CCDC148: variants seen among roughly 807,000 people sequenced by gnomAD.
The protein encoded by CCDC148 is coiled-coil domain-containing protein 148.
A neutral mutation model predicts 85.7 loss-of-function variants in CCDC148; 89 were observed. That is an observed-to-expected ratio of 1.04 (90% CI 0.87 to 1.24). The LOEUF (loss-of-function observed/expected upper bound fraction) is 1.24, where lower values mean the gene tolerates loss of function less well. Among genes scored for constraint, CCDC148 ranks in the 50% most tolerant of loss-of-function variants. CCDC148 has a pLI of 0.00. For missense variants in CCDC148, 692 were observed against 671.7 expected (o/e 1.03, Z -0.33); for synonymous variants, 230 against 213.9 (o/e 1.08, Z -0.66).
intron 1 of CCDC148, among the ~76,000 whole-genome samples, chr2:158,362,487 T>G (rs888866014): frequency 1.3e-5 from 2 of 152,158 alleles, no homozygotes; most frequent in Non-Finnish European, 2.9e-5. Context: ...CACAGTGCAA[T>G]CAAATTAGAA....
chr2:158,384,602 A>C (rs934575471), intron 1 of CCDC148, among the ~76,000 whole-genome samples: 7 of 152,280 alleles, frequency 4.6e-5, no homozygotes, highest in African/African-American at 1.4e-4. Context: ...TGCCCCAGCC[A>C]TGTTTTCTGT....
chr2:158,283,964 A>C (rs1204251422), intron 9 of CCDC148, among the ~76,000 whole-genome samples: 5 of 151,358 alleles, frequency 3.3e-5, no homozygotes, highest in Non-Finnish European at 5.9e-5. Flanking sequence ...TGATGAGTTC[A>C]TGTCCTTTGT....
chr2:158,299,156 T>TAGAG (rs1691329826), intron 9 of CCDC148, among the ~76,000 whole-genome samples: 1 of 152,142 alleles, frequency 6.6e-6, no homozygotes. Context: ...ACCGAATGTC[T>TAGAG]AGAGAGTTCA....
At chr2:158,329,537 T>C (rs1692981144) in intron 7 of CCDC148, among the ~76,000 whole-genome samples, 1 of 152,002 alleles carries the variant, frequency 6.6e-6, no homozygotes, top group East Asian at 1.9e-4. Context: ...TTTTTTCCAA[T>C]TCTGTGAAGA....
intron 1 of CCDC148, among the ~76,000 whole-genome samples, chr2:158,364,636 C>T (rs561049760): frequency 5.0e-4 from 76 of 152,248 alleles, no homozygotes; most frequent in Non-Finnish European, 8.8e-4. Context: ...TGGATCCCTT[C>T]CTTACACCTT....
At chr2:158,240,450 TCTCACACACACA>T (rs1454078241) in intron 10 of CCDC148, among the ~76,000 whole-genome samples, 9 of 92,482 alleles carry the variant, frequency 9.7e-5, no homozygotes, top group South Asian at 6.3e-4. Context: ...TCTCTCTCTC[TCTCACACACACA>T]CACACACACA....
At chr2:158,326,469 A>T (rs999329571) in intron 7 of CCDC148, among the ~76,000 whole-genome samples, 1 of 152,172 alleles carries the variant, frequency 6.6e-6, no homozygotes, top group African/African-American at 2.4e-5. Context: ...GAGTACACGA[A>T]TTTTTGTATA....
intron 9 of CCDC148, among the ~76,000 whole-genome samples, chr2:158,279,213 G>C (rs999525624): frequency 3.3e-5 from 5 of 152,186 alleles, no homozygotes; most frequent in Non-Finnish European, 7.3e-5. Context: ...ACTCTAAAAA[G>C]CAGAGCACCT....
intron 1 of CCDC148, among the ~76,000 whole-genome samples, chr2:158,374,233 G>A (rs1459452501): frequency 6.6e-6 from 1 of 152,054 alleles, no homozygotes; most frequent in African/African-American, 2.4e-5. Flanking sequence ...ATTAACTGCA[G>A]TTGACCGGTG....
intron 11 of CCDC148, among the ~76,000 whole-genome samples, chr2:158,219,602 CA>C (rs1687066194): frequency 6.6e-6 from 1 of 152,226 alleles, no homozygotes; most frequent in Non-Finnish European, 1.5e-5. Flanking sequence ...CACCCATGGT[CA>C]GTCCCATCAA....
rs1400858277 is a variant in CCDC148, at chr2:158,416,313, A to AT, written c.25+40101dup. On this transcript the variant is annotated intron_variant, in intron 1 of 13. Coordinates refer to ENST00000283233, the MANE Select transcript of CCDC148 (RefSeq NM_138803.4). ...GAAATGCCTTGAAGGCATTTTCCCT[A>AT]TTTTCTTGGCTATTAACATTTGGCT... is the stretch of plus-strand genomic sequence containing the variant. Among the ~76,000 whole-genome samples the AT allele has an allele frequency of 3.3e-5, 5 of 152,098 alleles. No homozygotes were observed. In the East Asian group the frequency reaches 5.8e-4, roughly 18 times the overall value.
In CCDC148 at chr2:158,346,799, T is replaced by C. The variant is rs114101866; in HGVS notation, c.148-1481A>G. The stretch of plus-strand genomic sequence containing the variant: ...TCAGAAGACAAGTTCTAAAAAGGAA[T>C]CTTTATAATGCATGCTATTTCCAGC... On this transcript the variant is annotated intron_variant, in intron 2 of 13. Transcript: ENST00000283233. Among the ~76,000 whole-genome samples, 312 of 152,310 alleles carry C rather than the reference T, an allele frequency of 2.0e-3. 3 individuals carry two copies. Among genetic ancestry groups the C allele is most frequent in the African/African-American group, 7.1e-3 (297 of 41,562 alleles).
chr2:158,408,278 A>T (rs1686110386), intron 1 of CCDC148, among the ~76,000 whole-genome samples: 1 of 152,150 alleles, frequency 6.6e-6, no homozygotes, highest in Non-Finnish European at 1.5e-5. Flanking sequence ...AATTTCAAAT[A>T]TACAATACAG....
In CCDC148 at chr2:158,253,372, T is replaced by G. The variant is rs962959305; in HGVS notation, c.1111-2460A>C. The stretch of plus-strand genomic sequence containing the variant: ...TCCCTTATATGGCCATTCCTATTCT[T>G]AGCTCATGGAGTGACTCAAAGTACC... On this transcript the variant is annotated intron_variant, in intron 9 of 13. Coordinates refer to ENST00000283233, the MANE Select transcript of CCDC148 (RefSeq NM_138803.4). Among the ~76,000 whole-genome samples, 15 of 151,782 alleles carry G rather than the reference T, an allele frequency of 9.9e-5. No individual in the cohort carries two copies. The South Asian group carries it at 2.7e-3, about 27-fold the overall frequency.
intron 11 of CCDC148, among the ~76,000 whole-genome samples, chr2:158,186,255 C>G (rs1685150285): frequency 1.3e-5 from 2 of 152,032 alleles, no homozygotes; most frequent in South Asian, 2.1e-4. Context: ...TTTCCAGCAC[C>G]ATTAACTCCA....
At chr2:158,416,776 A>G (rs563218464) in intron 1 of CCDC148, among the ~76,000 whole-genome samples, 1 of 152,132 alleles carries the variant, frequency 6.6e-6, no homozygotes. Flanking sequence ...TCACTTCCAC[A>G]TTTTCAGGTA....
chr2:158,392,774 T>C (rs1310538996), intron 1 of CCDC148, among the ~76,000 whole-genome samples: 1 of 152,148 alleles, frequency 6.6e-6, no homozygotes, highest in Non-Finnish European at 1.5e-5. Context: ...TATAAATCTA[T>C]ATTTTAAATT....
At chr2:158,258,444 T>G (rs934995116) in intron 9 of CCDC148, among the ~76,000 whole-genome samples, 2 of 151,766 alleles carry the variant, frequency 1.3e-5, no homozygotes, top group Non-Finnish European at 2.9e-5. Flanking sequence ...TAAACCAGAG[T>G]TTGAGTCCTA....
intron 8 of CCDC148, among the ~76,000 whole-genome samples, chr2:158,311,330 G>A (rs1692001117): frequency 6.6e-6 from 1 of 152,380 alleles, no homozygotes; most frequent in East Asian, 1.9e-4. Flanking sequence ...AACCAGTCAG[G>A]CGTGGCGGCG....
Sources: gnomAD v4.1 joint callset for allele counts (sites outside exome capture counted in the v4.1 genomes callset) on GRCh38, gnomAD v4.1.1 for gene constraint, MANE v1.5 for transcripts, NCBI Gene and HGNC (gene_info 2026-07-23, HGNC 2026-07-21) for gene names.